COL19A1: variants seen among roughly 807,000 people sequenced by gnomAD.
COL19A1 encodes collagen type XIX alpha 1 chain.
A neutral mutation model predicts 190.2 loss-of-function variants in COL19A1; 159 were observed. The observed-to-expected ratio is 0.84, with a 90% confidence interval of 0.73 to 0.95. COL19A1 has a LOEUF of 0.95. COL19A1 is among the 40% of genes least tolerant of loss of function. The pLI is 0.00. For synonymous variants in COL19A1, 509 were observed against 458.9 expected (o/e 1.11, Z -1.39); for missense variants, 1,418 against 1,431.9 (o/e 0.99, Z 0.16).
intron 1 of COL19A1, among the ~76,000 whole-genome samples, chr6:69,869,246 G>A (rs571933962): frequency 1.4e-4 from 22 of 152,320 alleles, no homozygotes; most frequent in African/African-American, 5.1e-4. Flanking sequence ...AAATCCAAGC[G>A]GGGTGAAATC....
intron 11 of COL19A1, among the ~76,000 whole-genome samples, chr6:70,003,548 C>T (rs931510319): frequency 1.1e-4 from 17 of 152,090 alleles, no homozygotes; most frequent in Admixed American, 2.6e-4. Flanking sequence ...TATGAATCTG[C>T]GTGCTCCTGT....
intron 2 of COL19A1, among the ~76,000 whole-genome samples, chr6:69,889,158 T>G (rs1769153312): frequency 6.6e-6 from 1 of 152,230 alleles, no homozygotes; most frequent in Non-Finnish European, 1.5e-5. Flanking sequence ...TGCCATGAGC[T>G]TTGTCACTAT....
rs368556319 is a variant in COL19A1 at position 70,168,695 on chromosome 6, C to T, written c.2568+14C>T. ...CCTGGCCCAGTGGTATGAATGTTCC[C>T]ATGTTTTGTGTCATTTAGAATATTG... is the stretch of plus-strand genomic sequence containing the variant. On this transcript the variant is annotated intron_variant, in intron 40 of 50. Transcript: ENST00000620364. The T allele has an allele frequency of 2.5e-6, 4 of 1,612,268 alleles. No homozygotes were observed. Among genetic ancestry groups the T allele is most frequent in the Non-Finnish European group, 3.4e-6 (4 of 1,179,202 alleles).
intron 11 of COL19A1, among the ~76,000 whole-genome samples, chr6:69,994,017 T>C (rs1776767652): frequency 6.6e-6 from 1 of 152,022 alleles, no homozygotes; most frequent in African/African-American, 2.4e-5. Context: ...ACTGCTCTTG[T>C]TTTTCAAGTT....
At chr6:69,981,920 A>C (rs1308814650) in intron 11 of COL19A1, among the ~76,000 whole-genome samples, 1 of 152,140 alleles carries the variant, frequency 6.6e-6, no homozygotes. Flanking sequence ...TTTTAATTTC[A>C]AGAAAAGCAC....
At chr6:70,191,396 G>A (rs1443385647) in intron 48 of COL19A1, among the ~76,000 whole-genome samples, 1 of 152,036 alleles carries the variant, frequency 6.6e-6, no homozygotes, top group Non-Finnish European at 1.5e-5. Flanking sequence ...ACCTGAAGAT[G>A]TCTTTTGAAA....
intron 11 of COL19A1, among the ~76,000 whole-genome samples, chr6:70,020,922 G>A (rs1208343993): frequency 3.3e-5 from 5 of 152,018 alleles, no homozygotes; most frequent in East Asian, 1.9e-4. Flanking sequence ...CATACCAATA[G>A]TAATATTTTC....
At chr6:70,151,847 G>C (rs1358171874) in intron 31 of COL19A1, among the ~76,000 whole-genome samples, 1 of 152,054 alleles carries the variant, frequency 6.6e-6, no homozygotes, top group Non-Finnish European at 1.5e-5. Flanking sequence ...GGCCTGGTCA[G>C]TCCCAAGATG....
intron 36 of COL19A1, among the ~76,000 whole-genome samples, chr6:70,165,065 C>A (rs1020073486): frequency 1.3e-5 from 2 of 152,008 alleles, no homozygotes; most frequent in Admixed American, 6.6e-5. Context: ...TATCTGAATT[C>A]TTTTTTAATT....
intron 14 of COL19A1, among the ~76,000 whole-genome samples, chr6:70,067,006 G>A (rs145283003): frequency 4.6e-5 from 7 of 152,206 alleles, no homozygotes; most frequent in African/African-American, 1.4e-4. Context: ...GGCACATACC[G>A]TGATGAATAA....
chr6:70,016,384 A>AC (rs1491406124), intron 11 of COL19A1, among the ~76,000 whole-genome samples: 1 of 122,614 alleles, frequency 8.2e-6, no homozygotes, highest in African/African-American at 3.9e-5. Context: ...AAAAAAAAAA[A>AC]CACATGAAAA....
intron 31 of COL19A1, among the ~76,000 whole-genome samples, chr6:70,151,963 G>C (rs6928201): frequency 0.36 from 54,820 of 151,376 alleles, 10,225 homozygotes; most frequent in Middle Eastern, 0.5. Context: ...CTGTTACTCT[G>C]TTCAATAAAA....
chr6:69,971,930 T>C (rs751228227), intron 11 of COL19A1, among the ~76,000 whole-genome samples: 8 of 152,352 alleles, frequency 5.3e-5, no homozygotes, highest in Admixed American at 2.6e-4. Flanking sequence ...ATGTGGCTTC[T>C]ATTTTAAAAA....
In COL19A1 at chr6:70,125,438, G is replaced by A. The variant is rs563764559; in HGVS notation, c.1341+3496G>A. On this transcript the variant is annotated intron_variant, in intron 17 of 50. Coordinates refer to ENST00000620364, the MANE Select transcript of COL19A1 (RefSeq NM_001858.6). Reference sequence around the variant, plus strand: ...TCAGAGAGCCCATGGTTCATTTTCCGGTCCCAGGATCCTCACTTGCCCTCT... The same window carrying A: ...TCAGAGAGCCCATGGTTCATTTTCCAGTCCCAGGATCCTCACTTGCCCTCT... Among the ~76,000 whole-genome samples the A allele has an allele frequency of 5.3e-5, 8 of 152,166 alleles. No individual in the cohort carries two copies. In the East Asian group the frequency reaches 9.7e-4, roughly 18 times the overall value.
chr6:70,034,609 A>G (rs1175524352), intron 13 of COL19A1, among the ~76,000 whole-genome samples: 1 of 152,206 alleles, frequency 6.6e-6, no homozygotes, highest in Non-Finnish European at 1.5e-5. Flanking sequence ...CTTTGCCAAT[A>G]ACACTGAGCT....
rs1339377099 is a variant in COL19A1, at chr6:70,211,517, GC to G, written c.*4244del. 6.7e-6 allele frequency among the ~76,000 whole-genome samples: 1 copy of G among 149,686 alleles called. No homozygotes were observed. The highest frequency in any genetic ancestry group is 1.5e-5 in the Non-Finnish European group (1 of 67,526). On this transcript the variant is annotated 3_prime_UTR_variant, in exon 51 of 51. Transcript: ENST00000620364. Reference sequence around the variant, plus strand: ...CTCTGCTCACAAAGATTATATGCAGGCTTTGAAGAGGAGGAGATGCAGAAGA... The same window carrying G: ...CTCTGCTCACAAAGATTATATGCAGGTTTGAAGAGGAGGAGATGCAGAAGA...
chr6:69,945,398 A>G (rs1773731148), intron 9 of COL19A1, among the ~76,000 whole-genome samples: 2 of 152,088 alleles, frequency 1.3e-5, no homozygotes, highest in Admixed American at 1.3e-4. Context: ...ATGCTAACCC[A>G]GAGATGATGA....
intron 4 of COL19A1, among the ~76,000 whole-genome samples, chr6:69,923,735 C>G (rs911473654): frequency 1.3e-5 from 2 of 152,132 alleles, no homozygotes; most frequent in African/African-American, 4.8e-5. Context: ...TCCGGAAAGG[C>G]CTGAAAAGGC....
chr6:70,200,934 A>G (rs368642456), intron 49 of COL19A1, among the ~76,000 whole-genome samples: 12 of 152,292 alleles, frequency 7.9e-5, no homozygotes, highest in African/African-American at 2.9e-4. Context: ...CATTATCTTT[A>G]GATTATAGTG....
Sources: gnomAD v4.1 joint callset for allele counts (sites outside exome capture counted in the v4.1 genomes callset) on GRCh38, gnomAD v4.1.1 for gene constraint, MANE v1.5 for transcripts, NCBI Gene and HGNC (gene_info 2026-07-23, HGNC 2026-07-21) for gene names.